CAMKMT: variants seen among roughly 807,000 people sequenced by gnomAD.
CAMKMT encodes CaM KMT.
CAMKMT carries 53 observed loss-of-function variants against 48.0 expected under a neutral mutation model. The ratio of observed to expected loss-of-function variants is 1.10; its 90% CI spans 0.89 to 1.39. CAMKMT has a LOEUF of 1.39. Among genes scored for constraint, CAMKMT ranks in the 40% most tolerant of loss-of-function variants. The pLI, the probability that CAMKMT is intolerant of heterozygous loss-of-function variation, is 0.00. For missense variants in CAMKMT, 428 were observed against 402.7 expected, an observed-to-expected ratio of 1.06 and a Z score of -0.54; for synonymous variants, 165 against 152.3, an observed-to-expected ratio of 1.08 and a Z score of -0.61.
chr2:44,552,507 GA>G (rs1667773829), intron 3 of CAMKMT, among the ~76,000 whole-genome samples: 1 of 152,150 alleles, frequency 6.6e-6, no homozygotes, highest in South Asian at 2.1e-4. Flanking sequence ...TATGCAGATA[GA>G]GTCCTTTCAT....
intron 3 of CAMKMT, among the ~76,000 whole-genome samples, chr2:44,397,523 C>T (rs191829151): frequency 2.6e-5 from 4 of 152,254 alleles, no homozygotes; most frequent in Non-Finnish European, 4.4e-5. Flanking sequence ...ATGGCAATTT[C>T]CCTAGCCATG....
chr2:44,440,792 G>T (rs185175780), intron 3 of CAMKMT, among the ~76,000 whole-genome samples: 29 of 152,104 alleles, frequency 1.9e-4, no homozygotes, highest in African/African-American at 6.5e-4. Context: ...TGTGCTATTG[G>T]TATTGATCGT....
At chr2:44,681,006 T>C (rs1413108172) in intron 3 of CAMKMT, among the ~76,000 whole-genome samples, 1 of 152,236 alleles carries the variant, frequency 6.6e-6, no homozygotes, top group East Asian at 1.9e-4. Flanking sequence ...TCTGTAAAAT[T>C]GCTTCTGGGA....
At chr2:44,490,936 G>A (rs1207422269) in intron 3 of CAMKMT, among the ~76,000 whole-genome samples, 1 of 152,078 alleles carries the variant, frequency 6.6e-6, no homozygotes, top group Non-Finnish European at 1.5e-5. Context: ...AATCAGTTGA[G>A]CTCAAGAATT....
At chr2:44,584,278 T>A (rs535295041) in intron 3 of CAMKMT, among the ~76,000 whole-genome samples, 1 of 152,334 alleles carries the variant, frequency 6.6e-6, no homozygotes, top group East Asian at 1.9e-4. Flanking sequence ...CTGACAAAAA[T>A]AAACCTTAAT....
At chr2:44,425,811 A>G (rs1350947095) in intron 3 of CAMKMT, among the ~76,000 whole-genome samples, 3 of 151,612 alleles carry the variant, frequency 2.0e-5, no homozygotes, top group African/African-American at 7.3e-5. Context: ...GCTCACTGCA[A>G]CCTCCACCTC....
chr2:44,759,076 A>G (rs764772688), intron 9 of CAMKMT, among the ~76,000 whole-genome samples: 4 of 152,202 alleles, frequency 2.6e-5, no homozygotes, highest in Non-Finnish European at 5.9e-5. Context: ...AGTCCTGCCT[A>G]TCTCCAAGGT....
At chr2:44,601,588 A>T (rs1312946303) in intron 3 of CAMKMT, among the ~76,000 whole-genome samples, 1 of 152,040 alleles carries the variant, frequency 6.6e-6, no homozygotes, top group Non-Finnish European at 1.5e-5. Context: ...GGTAAGAGGA[A>T]AGCTATAGCC....
At chr2:44,604,846 G>A (rs1277352223) in intron 3 of CAMKMT, among the ~76,000 whole-genome samples, 1 of 152,062 alleles carries the variant, frequency 6.6e-6, no homozygotes, top group Non-Finnish European at 1.5e-5. Context: ...TCCATTATCT[G>A]ATTCCCACTA....
At position 44,704,302 on chromosome 2, in the gene CAMKMT, G is replaced by T. The variant is rs1677421614; in HGVS notation, c.396G>T (p.Glu132Asp). Residue 132 changes from glutamate to aspartate, a missense_variant, in exon 4 of 11, where the codon GAG becomes GAT. By Grantham distance (45) the Glu-to-Asp change is conservative. Coordinates refer to ENST00000378494, the MANE Select transcript of CAMKMT (RefSeq NM_024766.5). ...TTCTAGGCATCTGGCCATCTGAAGA[G>T]GTTTTGGCTTACTACTGCCTCAAGC... ...TGNVCIWPSE[E>D]VLAYYCLKHN... is the part of the protein sequence containing the mutation. The T allele has an allele frequency of 6.2e-7, 1 of 1,610,878 alleles. No individual in the cohort carries two copies. Among genetic ancestry groups the T allele is most frequent in the African/African-American group, 1.3e-5 (1 of 74,798 alleles).
intron 3 of CAMKMT, among the ~76,000 whole-genome samples, chr2:44,572,348 C>T (rs1668955470): frequency 6.6e-6 from 1 of 152,084 alleles, no homozygotes; most frequent in South Asian, 2.1e-4. Context: ...TGCCTAGGCT[C>T]TATGAATTTC....
At chr2:44,392,706 A>G (rs1335260999) in intron 3 of CAMKMT, among the ~76,000 whole-genome samples, 7 of 151,940 alleles carry the variant, frequency 4.6e-5, no homozygotes, top group African/African-American at 7.2e-5. Flanking sequence ...AGTAATTCAA[A>G]AATACAAAAA....
intron 3 of CAMKMT, among the ~76,000 whole-genome samples, chr2:44,612,341 A>G (rs919905097): frequency 1.3e-5 from 2 of 152,224 alleles, no homozygotes; most frequent in Non-Finnish European, 2.9e-5. Context: ...GAAAATTTTC[A>G]GTATCTCCCT....
intron 3 of CAMKMT, among the ~76,000 whole-genome samples, chr2:44,541,499 G>A (rs1667103953): frequency 1.3e-5 from 2 of 152,062 alleles, no homozygotes; most frequent in Non-Finnish European, 2.9e-5. Context: ...AGTATTTGAA[G>A]GCTATCAGTT....
chr2:44,416,995 C>T (rs914416336), intron 3 of CAMKMT, among the ~76,000 whole-genome samples: 2 of 151,954 alleles, frequency 1.3e-5, no homozygotes, highest in South Asian at 4.2e-4. Flanking sequence ...GTGTAGTGGC[C>T]TGATCATGGC....
chr2:44,466,006 C>T (rs1668092285), intron 3 of CAMKMT, among the ~76,000 whole-genome samples: 5 of 152,130 alleles, frequency 3.3e-5, no homozygotes, highest in Non-Finnish European at 7.4e-5. Context: ...ATATATGCAT[C>T]TAACAGTAGA....
chr2:44,705,642 G>A (rs893386235), intron 4 of CAMKMT: 2 of 540,342 alleles, frequency 3.7e-6, no homozygotes, highest in African/African-American at 2.1e-5. Context: ...GGGTTTGCTG[G>A]CTTAACCATA....
chr2:44,629,725 AC>A (rs1672701746), intron 3 of CAMKMT, among the ~76,000 whole-genome samples: 1 of 152,096 alleles, frequency 6.6e-6, no homozygotes, highest in African/African-American at 2.4e-5. Flanking sequence ...ACTACAAACC[AC>A]TGCTCAATGA....
At chr2:44,735,367 G>T (rs562200835) in intron 7 of CAMKMT, among the ~76,000 whole-genome samples, 1 of 152,124 alleles carries the variant, frequency 6.6e-6, no homozygotes, top group Non-Finnish European at 1.5e-5. Flanking sequence ...GATGGGGTTA[G>T]ATTTAAATCT....
Sources: gnomAD v4.1 joint callset for allele counts (sites outside exome capture counted in the v4.1 genomes callset) on GRCh38, gnomAD v4.1.1 for gene constraint, MANE v1.5 for transcripts, NCBI Gene and HGNC (gene_info 2026-07-23, HGNC 2026-07-21) for gene names.